The following USP13 variants were observed in gnomAD, a reference collection of about 807,000 sequenced individuals.
USP13 encodes the protein ubiquitin carboxyl-terminal hydrolase 13.
A neutral mutation model predicts 107.8 loss-of-function variants in USP13; 68 were observed. That is an observed-to-expected ratio of 0.63 (90% CI 0.52 to 0.77). The LOEUF (loss-of-function observed/expected upper bound fraction) is 0.77, where lower values mean the gene tolerates loss of function less well. Ranked by LOEUF, USP13 falls within the 30% of genes least tolerant of loss-of-function variation. USP13 has a pLI of 0.00. For synonymous variants in USP13, 377 were observed against 389.5 expected, an observed-to-expected ratio of 0.97 and a Z score of 0.38; for missense variants, 945 against 1,093.3, an observed-to-expected ratio of 0.86 and a Z score of 1.91.
chr3:179,753,007 C>G (rs1481018394), intron 14 of USP13, among the ~76,000 whole-genome samples: 1 of 152,078 alleles, frequency 6.6e-6, no homozygotes, highest in African/African-American at 2.4e-5. Context: ...ATTTTCCAGA[C>G]GATACATAAA....
At chr3:179,654,840 A>G (rs1720204641) in intron 1 of USP13, among the ~76,000 whole-genome samples, 1 of 152,202 alleles carries the variant, frequency 6.6e-6, no homozygotes, top group Admixed American at 6.5e-5. Flanking sequence ...GGAGTATCAG[A>G]GTTAGTATCC....
intron 8 of USP13, among the ~76,000 whole-genome samples, chr3:179,724,172 A>C (rs190375640): frequency 6.4e-4 from 98 of 151,962 alleles, no homozygotes; most frequent in African/African-American, 2.3e-3. Context: ...AAAAATAATA[A>C]GAAGGCCGGG....
At chr3:179,764,827 C>T (rs911712646) in intron 18 of USP13, among the ~76,000 whole-genome samples, 1 of 152,210 alleles carries the variant, frequency 6.6e-6, no homozygotes, top group African/African-American at 2.4e-5. Context: ...TAGATATCTG[C>T]TCTCAATTAC....
intron 19 of USP13, among the ~76,000 whole-genome samples, chr3:179,776,202 A>G (rs75229048): frequency 0.036 from 5,495 of 151,994 alleles, 357 homozygotes; most frequent in African/African-American, 0.13. Flanking sequence ...CAGATAATAC[A>G]TGTTTCAGGT....
At chr3:179,756,723 C>T (rs543411112) in intron 15 of USP13, among the ~76,000 whole-genome samples, 12 of 152,100 alleles carry the variant, frequency 7.9e-5, no homozygotes, top group Non-Finnish European at 1.5e-4. Flanking sequence ...GCTGTACCAC[C>T]CTCTGGGTCT....
At position 179,653,502 on chromosome 3, in the gene USP13, G is replaced by T. The variant is rs1026024685; in HGVS notation, c.168+109G>T. The T allele has an allele frequency of 3.5e-6, 5 of 1,429,096 alleles. No individual in the cohort carries two copies. The highest frequency in any genetic ancestry group is 4.5e-5 in the Admixed American group (2 of 44,344). The allele number at this position is 1,429,096 out of a possible 1,614,324, so 88.5% of individuals were successfully genotyped here. A position where few individuals can be genotyped will look rare whatever the true frequency, so the allele number is the denominator to read the frequency against. On this transcript the variant is annotated intron_variant, in intron 1 of 20. Transcript: ENST00000263966. This position sits in a 1 kb window ranked among gnomAD's most constrained non-coding sequence, Gnocchi z 4.0. ...CGGGACCTCTTCTCTTCCTCCGGGC[G>T]GCAGAGTTGGCTCAGGAACACTGCA...
intron 10 of USP13, 21 bp from the exon 11 acceptor site, chr3:179,740,226 C>A (rs771931659): frequency 2.2e-5 from 35 of 1,612,538 alleles, no homozygotes; most frequent in Middle Eastern, 1.6e-4. Context: ...ATCATAAGTC[C>A]ATTTCATTTT....
chr3:179,730,334 G>T, intron 9 of USP13, 74 bp downstream of exon 9: 1 of 1,463,992 alleles, frequency 6.8e-7, no homozygotes. Context: ...ATATCTCTGG[G>T]TTGCAAAATT....
intron 1 of USP13, among the ~76,000 whole-genome samples, chr3:179,670,606 T>C (rs1250159991): frequency 6.6e-6 from 1 of 152,202 alleles, no homozygotes; most frequent in Admixed American, 6.5e-5. Context: ...TGTTCCTGAA[T>C]TTCCTCAGCT....
intron 3 of USP13, among the ~76,000 whole-genome samples, chr3:179,699,956 A>G (rs983995388): frequency 5.3e-5 from 8 of 151,802 alleles, no homozygotes; most frequent in Admixed American, 2.0e-4. Flanking sequence ...TATAGAGCCT[A>G]TGTTTCTGTG....
In USP13 at chr3:179,742,282, T is replaced by G; in HGVS notation, c.1466T>G (p.Val489Gly). The G allele has an allele frequency of 6.2e-7, 1 of 1,614,222 alleles. No homozygotes were observed. Among genetic ancestry groups the G allele is most frequent in the Non-Finnish European group, 8.5e-7 (1 of 1,180,042 alleles). ...ATTCAGTGCTGTCAGACCCGGAAAG[T>G]CCGCTACACGGAGAGGGTGGATTAC... ...ERIQCCQTRK[V>G]RYTERVDYLM... Residue 489 changes from valine (V) to glycine (G), a missense_variant, in exon 12 of 21, where the codon GTC (valine) becomes GGC (glycine). Coordinates refer to ENST00000263966, the MANE Select transcript of USP13 (RefSeq NM_003940.3). This position sits in a 1 kb window ranked among gnomAD's most constrained non-coding sequence, Gnocchi z 5.0.
In USP13 at chr3:179,739,252, C is replaced by G. The variant is rs75614536; in HGVS notation, c.1255-995C>G. Reference sequence around the variant, plus strand: ...TCTGAGCTGTCCTGCTGGTCCCCCACGAAATCCAGCATCCTCGTCCTGCCA... The same window carrying G: ...TCTGAGCTGTCCTGCTGGTCCCCCAGGAAATCCAGCATCCTCGTCCTGCCA... On this transcript the variant is annotated intron_variant, in intron 10 of 20. Transcript: ENST00000263966. 3.8e-3 allele frequency among the ~76,000 whole-genome samples: 573 copies of G among 152,304 alleles called. 5 individuals are homozygous for G. Among genetic ancestry groups the G allele is most frequent in the African/African-American group, 0.013 (547 of 41,556 alleles).
intron 6 of USP13, among the ~76,000 whole-genome samples, chr3:179,719,071 T>C (rs989673275): frequency 1.3e-5 from 2 of 152,142 alleles, no homozygotes; most frequent in African/African-American, 2.4e-5. Context: ...TTTGAGTCCA[T>C]ACACCCCACT....
At chr3:179,774,821 T>C (rs1715467305) in intron 19 of USP13, among the ~76,000 whole-genome samples, 2 of 152,208 alleles carry the variant, frequency 1.3e-5, no homozygotes, top group Non-Finnish European at 2.9e-5. Context: ...TGGTCCATTT[T>C]ACAGAGAGCT....
chr3:179,661,519 T>C (rs1307190313), intron 1 of USP13, among the ~76,000 whole-genome samples: 1 of 152,164 alleles, frequency 6.6e-6, no homozygotes, highest in Non-Finnish European at 1.5e-5. Flanking sequence ...CTGGCTGGGC[T>C]GTTTCTTTGG....
Position 179,789,352 on chromosome 3 carries a change from A to G in USP13, c.*5211A>G, listed in dbSNP as rs1553802582. Reference sequence around the variant, plus strand: ...TTATTTGCCTGAGATGGAAAGAGAGATGGATGATTTATTGCTTCAATTGTT... The same window carrying G: ...TTATTTGCCTGAGATGGAAAGAGAGGTGGATGATTTATTGCTTCAATTGTT... On this transcript the variant is annotated 3_prime_UTR_variant, in exon 21 of 21. Coordinates refer to ENST00000263966, the MANE Select transcript of USP13 (RefSeq NM_003940.3). The G allele has an allele frequency of 6.6e-6, 1 of 152,164 alleles. No individual in the cohort carries two copies. The highest frequency in any genetic ancestry group is 1.5e-5 in the Non-Finnish European group (1 of 68,030). The allele number at this position is 152,164 out of a possible 1,614,324, so 9.4% of individuals were successfully genotyped here.
At position 179,766,504 on chromosome 3, in the gene USP13, G is replaced by A. The variant is rs143325925; in HGVS notation, c.2413+656G>A. Among the ~76,000 whole-genome samples, 1,137 of 152,292 alleles carry A rather than the reference G, an allele frequency of 7.5e-3. 9 individuals carry two copies. The highest frequency in any genetic ancestry group is 0.019 in the African/African-American group (798 of 41,546). On this transcript the variant is annotated intron_variant, in intron 19 of 20. Coordinates refer to ENST00000263966, the MANE Select transcript of USP13 (RefSeq NM_003940.3). ...GTAGTGTTTTTTGAGTAGTAGCAAA[G>A]TGGTCTCATCCTTGATCATATCGTT...
At chr3:179,720,077 G>T in intron 7 of USP13, 43 bp downstream of exon 7, 1 of 1,490,150 alleles carries the variant, frequency 6.7e-7, no homozygotes. Flanking sequence ...GCATGGGGTA[G>T]GGGTGGGGAG....
chr3:179,759,575 A>G (rs1714933476), intron 16 of USP13, among the ~76,000 whole-genome samples: 1 of 152,258 alleles, frequency 6.6e-6, no homozygotes, highest in South Asian at 2.1e-4. Context: ...GATCCTGTAG[A>G]ACACAATTTG....
Sources: allele counts gnomAD v4.1 joint callset (sites outside exome capture counted in the v4.1 genomes callset), GRCh38; gene constraint gnomAD v4.1.1; non-coding constraint Gnocchi (gnomAD v3.1); transcripts MANE v1.5; gene names NCBI Gene and HGNC (gene_info 2026-07-23, HGNC 2026-07-21).